Variants in CFAP61 observed in about 807,000 individuals in gnomAD.
The protein encoded by CFAP61 is cilia- and flagella-associated protein 61.
A neutral mutation model predicts 135.6 loss-of-function variants in CFAP61; 107 were observed. The observed-to-expected ratio is 0.79, with a 90% CI of 0.67 to 0.93. CFAP61 has a LOEUF of 0.93. Ranked by LOEUF, CFAP61 falls within the 40% of genes least tolerant of loss-of-function variation. The pLI is 0.00. For synonymous variants in CFAP61, 575 were observed against 578.5 expected, an observed-to-expected ratio of 0.99 and a Z score of 0.09; for missense variants, 1,507 against 1,556.2, an observed-to-expected ratio of 0.97 and a Z score of 0.53.
At chr20:20,252,788 G>A (rs1346807055) in intron 20 of CFAP61, among the ~76,000 whole-genome samples, 3 of 152,224 alleles carry the variant, frequency 2.0e-5, no homozygotes. Flanking sequence ...CTCCACCTGG[G>A]TGTTGCCACA....
intron 17 of CFAP61, among the ~76,000 whole-genome samples, chr20:20,215,778 TC>T (rs2048005950): frequency 6.6e-6 from 1 of 152,048 alleles, no homozygotes; most frequent in African/African-American, 2.4e-5. Context: ...GAGTGATTCT[TC>T]CTCAAGAGGA....
chr20:20,330,246 A>G (rs897447400), intron 25 of CFAP61, among the ~76,000 whole-genome samples: 3 of 152,248 alleles, frequency 2.0e-5, no homozygotes, highest in African/African-American at 7.2e-5. Flanking sequence ...AAAAACAGTA[A>G]TAAGCTATTT....
chr20:20,277,155 T>G lies in CFAP61; in HGVS notation c.2504-11T>G. 1 of 1,590,336 alleles carries G rather than the reference T, an allele frequency of 6.3e-7. No homozygotes were observed. Among genetic ancestry groups the G allele is most frequent in the Non-Finnish European group, 8.6e-7 (1 of 1,163,158 alleles). ...GAACTGTATATCTTAGCGTTTTCCC[T>G]TCTTTCCTAGGGAATATCATTGTCT... On this transcript the variant is annotated splice_polypyrimidine_tract_variant and intron_variant, in intron 21 of 26. Transcript: ENST00000245957.
chr20:20,074,303 C>G lies in CFAP61; in HGVS notation c.296C>G (p.Pro99Arg). The change falls in exon 4 of 27, where the codon CCC becomes CGC. Residue 99 changes from proline to arginine, a missense_variant and splice_region_variant. By Grantham distance (103) the Pro-to-Arg change is moderately radical (BLOSUM62 -2). Coordinates refer to ENST00000245957, the MANE Select transcript of CFAP61 (RefSeq NM_015585.4). ...RELDSDIPCT[P>R]LNTLFMHLFV... ...TCCGTGTTCTCTCTTCTTCTGCAGCCCCTGAATACGTTGTTCATGCACCTC... is the reference window on the plus strand; with the variant it reads ...TCCGTGTTCTCTCTTCTTCTGCAGCGCCTGAATACGTTGTTCATGCACCTC... The G allele has an allele frequency of 6.2e-7, 1 of 1,613,912 alleles. No individual in the cohort carries two copies. Among genetic ancestry groups the G allele is most frequent in the Non-Finnish European group, 8.5e-7 (1 of 1,179,794 alleles).
At chr20:20,188,103 T>C in intron 14 of CFAP61, 47 bp downstream of exon 14, 2 of 1,605,742 alleles carry the variant, frequency 1.2e-6, no homozygotes, top group Non-Finnish European at 1.7e-6. Context: ...ACCATTATGA[T>C]GACCCATGTA....
At chr20:20,209,122 A>G (rs1391761763) in intron 17 of CFAP61, among the ~76,000 whole-genome samples, 1 of 152,186 alleles carries the variant, frequency 6.6e-6, no homozygotes, top group East Asian at 1.9e-4. Flanking sequence ...TTTGGAATGT[A>G]GCATCTATTT....
intron 17 of CFAP61, among the ~76,000 whole-genome samples, chr20:20,203,097 T>A (rs2056700299): frequency 6.6e-6 from 1 of 152,132 alleles, no homozygotes; most frequent in South Asian, 2.1e-4. Flanking sequence ...TCCTGCCTGG[T>A]TTGGACGATC....
intron 2 of CFAP61, among the ~76,000 whole-genome samples, chr20:20,061,864 G>C (rs890602371): frequency 1.3e-5 from 2 of 152,180 alleles, no homozygotes; most frequent in African/African-American, 4.8e-5. Context: ...CAGCAGGGCT[G>C]GCCCAGGAGA....
chr20:20,157,284 G>T (rs564384961), intron 9 of CFAP61, among the ~76,000 whole-genome samples: 4 of 152,222 alleles, frequency 2.6e-5, no homozygotes, highest in African/African-American at 9.6e-5. Context: ...TGTTGGCCAG[G>T]CTGGTCTTGA....
At chr20:20,231,797 C>T (rs1053586585) in intron 18 of CFAP61, among the ~76,000 whole-genome samples, 2 of 152,214 alleles carry the variant, frequency 1.3e-5, no homozygotes, top group African/African-American at 4.8e-5. Context: ...CCAGCTTGTA[C>T]TATGGGGTAG....
chr20:20,127,507 C>T (rs906613013), intron 8 of CFAP61, among the ~76,000 whole-genome samples: 2 of 151,554 alleles, frequency 1.3e-5, no homozygotes, highest in Non-Finnish European at 2.9e-5. Flanking sequence ...TCTAGCCACC[C>T]AGCAAGTCTA....
At chr20:20,148,024 A>G (rs942931970) in intron 9 of CFAP61, among the ~76,000 whole-genome samples, 2 of 151,872 alleles carry the variant, frequency 1.3e-5, no homozygotes, top group Admixed American at 6.6e-5. Context: ...TTCCCACTTT[A>G]TATTTTTCTT....
At chr20:20,140,128 A>ATT (rs3060428) in intron 8 of CFAP61, among the ~76,000 whole-genome samples, 21,429 of 96,604 alleles carry the variant, frequency 0.22, 2,770 homozygotes, top group Middle Eastern at 0.31. Context: ...GGTGCTGGAA[A>ATT]TTTTTTTTTT....
chr20:20,358,044 T>G (rs1602196220), intron 26 of CFAP61, among the ~76,000 whole-genome samples: 3 of 114,402 alleles, frequency 2.6e-5, no homozygotes, highest in African/African-American at 1.0e-4. Flanking sequence ...TGAGGAGAGG[T>G]GGTCATAGTG....
intron 3 of CFAP61, among the ~76,000 whole-genome samples, chr20:20,071,755 TAC>T (rs1382507030): frequency 4.6e-5 from 7 of 152,136 alleles, no homozygotes; most frequent in Non-Finnish European, 8.8e-5. Flanking sequence ...TGTGCACACA[TAC>T]ACACACCCGT....
chr20:20,095,259 A>G (rs2047484984), intron 7 of CFAP61, among the ~76,000 whole-genome samples: 1 of 152,224 alleles, frequency 6.6e-6, no homozygotes, highest in Non-Finnish European at 1.5e-5. Context: ...GACAGCGCTT[A>G]CACCTCAGAA....
At chr20:20,329,391 G>C (rs146798472) in intron 25 of CFAP61, among the ~76,000 whole-genome samples, 3 of 152,238 alleles carry the variant, frequency 2.0e-5, no homozygotes, top group African/African-American at 7.2e-5. Flanking sequence ...CTGCTTCCCT[G>C]CACCTCTGAG....
chr20:20,215,583 C>G (rs2047992418), intron 17 of CFAP61, among the ~76,000 whole-genome samples: 1 of 152,068 alleles, frequency 6.6e-6, no homozygotes, highest in Non-Finnish European at 1.5e-5. Context: ...TCCTTAAATC[C>G]AAAGTTAAAA....
intron 25 of CFAP61, among the ~76,000 whole-genome samples, chr20:20,336,240 T>C (rs1278283211): frequency 6.6e-6 from 1 of 152,202 alleles, no homozygotes; most frequent in Non-Finnish European, 1.5e-5. Context: ...CCAACAGGAA[T>C]TAGAATAAAA....
Sources: allele counts gnomAD v4.1 joint callset (sites outside exome capture counted in the v4.1 genomes callset), GRCh38; gene constraint gnomAD v4.1.1; transcripts MANE v1.5; gene names NCBI Gene and HGNC (gene_info 2026-07-23, HGNC 2026-07-21).